The following WNT9B variants were observed in gnomAD, a reference collection of about 807,000 sequenced individuals.
WNT9B encodes Wnt family member 9B.
Under a neutral mutation model 30.2 loss-of-function variants are expected in WNT9B, and 12 were observed. The ratio of observed to expected loss-of-function variants is 0.40; its 90% CI spans 0.26 to 0.64. WNT9B has a LOEUF of 0.64. Among genes scored for constraint, WNT9B ranks in the 30% least tolerant of loss-of-function variants. The pLI, the probability that WNT9B is intolerant of heterozygous loss-of-function variation, is 0.42. For missense variants in WNT9B, 442 were observed against 485.2 expected, an observed-to-expected ratio of 0.91 and a Z score of 0.84; for synonymous variants, 218 against 216.9, an observed-to-expected ratio of 1.01 and a Z score of -0.05.
intron 1 of WNT9B, among the ~76,000 whole-genome samples, chr17:46,869,892 G>A (rs1183850883): frequency 7.2e-5 from 11 of 152,152 alleles, no homozygotes; most frequent in Admixed American, 2.6e-4. Flanking sequence ...CCAGCTACTC[G>A]GGAGGCTGAG....
intron 1 of WNT9B, among the ~76,000 whole-genome samples, chr17:46,854,322 C>T (rs893737238): frequency 5.9e-5 from 9 of 152,218 alleles, no homozygotes; most frequent in African/African-American, 2.2e-4. Flanking sequence ...AGCGCTTCTT[C>T]CTCCGCAGTC....
intron 1 of WNT9B, among the ~76,000 whole-genome samples, chr17:46,864,017 G>A (rs368423166): frequency 6.6e-6 from 1 of 152,186 alleles, no homozygotes; most frequent in Non-Finnish European, 1.5e-5. Context: ...CCTAGAGCCT[G>A]TGCAAACAAT....
downstream of WNT9B, among the ~76,000 whole-genome samples, chr17:46,881,466 A>G (rs1024886776): frequency 4.2e-4 from 64 of 152,350 alleles, 1 homozygote; most frequent in African/African-American, 1.5e-3. Context: ...TTTTACAGAT[A>G]GGGGAATTGA....
intron 1 of WNT9B, among the ~76,000 whole-genome samples, chr17:46,854,816 C>T (rs1339006532): frequency 6.6e-6 from 1 of 152,094 alleles, no homozygotes; most frequent in Non-Finnish European, 1.5e-5. Flanking sequence ...CCCCCCATCA[C>T]ACCCCACTAA....
At chr17:46,847,999 C>T (rs1014447608), upstream of WNT9B, among the ~76,000 whole-genome samples, 6 of 108,728 alleles carry the variant, frequency 5.5e-5, no homozygotes, top group Admixed American at 8.8e-5. Context: ...TGTGTGTGCA[C>T]GTGCATGTGT....
At chr17:46,882,019 A>G (rs543981347), downstream of WNT9B, among the ~76,000 whole-genome samples, 2 of 152,288 alleles carry the variant, frequency 1.3e-5, no homozygotes, top group South Asian at 4.2e-4. Flanking sequence ...CTGGCCAGGC[A>G]CAGGTTCACA....
upstream of WNT9B, among the ~76,000 whole-genome samples, chr17:46,849,479 C>G (rs148649679): frequency 4.5e-3 from 693 of 152,330 alleles, 10 homozygotes; most frequent in African/African-American, 0.016. Flanking sequence ...TGGGGTCTGT[C>G]TGCCACCCCA....
chr17:46,850,894 A>G (rs2084832878), upstream of WNT9B, among the ~76,000 whole-genome samples: 1 of 152,058 alleles, frequency 6.6e-6, no homozygotes, highest in South Asian at 2.1e-4. Context: ...GCGCTGGGGA[A>G]CATCAGCAGC....
In WNT9B at chr17:46,876,365, C is replaced by A; in HGVS notation, c.721C>A (p.Arg241Ser). 1 of 1,614,026 alleles carries A rather than the reference C, an allele frequency of 6.2e-7. No individual in the cohort carries two copies. The highest frequency in any genetic ancestry group is 8.5e-7 in the Non-Finnish European group (1 of 1,180,036). The change falls in exon 4 of 4, where the codon CGC becomes AGC. Residue 241 changes from arginine (R) to serine (S), a missense_variant. By Grantham distance (110) the Arg-to-Ser change is moderately radical (BLOSUM62 -1). Coordinates refer to ENST00000290015, the MANE Select transcript of WNT9B (RefSeq NM_003396.3). ...FRETGQVLKL[R>S]YDSAVKVSSA... ...TGAGACGGGCCAGGTGCTGAAACTG[C>A]GCTATGACTCGGCTGTCAAGGTGTC...
exon 5 of WNT9B, chr17:46,886,704 C>A (rs910376520): frequency 1.3e-5 from 2 of 152,216 alleles, no homozygotes; most frequent in African/African-American, 4.8e-5. Flanking sequence ...ATTCTAGAAT[C>A]ATGAATAAAA....
chr17:46,833,602 C>T (rs1419559505), intron 1 of WNT9B, among the ~76,000 whole-genome samples: 1 of 152,144 alleles, frequency 6.6e-6, no homozygotes, highest in Non-Finnish European at 1.5e-5. Flanking sequence ...AGCCCTGCTT[C>T]CCTGGCTCAT....
At chr17:46,874,990 C>T (rs548850668) in intron 2 of WNT9B, 111 bp from the exon 3 acceptor site, 50 of 1,543,396 alleles carry the variant, frequency 3.2e-5, no homozygotes, top group Admixed American at 2.3e-4. Context: ...CCCATCACAG[C>T]GCTGCCACCA....
At chr17:46,841,997 C>A (rs1436453872) in intron 1 of WNT9B, among the ~76,000 whole-genome samples, 1 of 152,176 alleles carries the variant, frequency 6.6e-6, no homozygotes. Context: ...AGGGGGCGCT[C>A]CTGCAGAAGG....
chr17:46,876,821 TA>T lies in WNT9B; in HGVS notation c.*106del. ...GGCAGACTGTCATCACATGCATGCA[TA>T]AACCGGCATGTGTGCCAATGCACAC... On this transcript the variant is annotated 3_prime_UTR_variant, in exon 4 of 4. Coordinates refer to ENST00000290015, the MANE Select transcript of WNT9B (RefSeq NM_003396.3). 1 of 1,441,184 alleles carries T rather than the reference TA, an allele frequency of 6.9e-7. No homozygotes were observed. Among genetic ancestry groups the T allele is most frequent in the Non-Finnish European group, 9.1e-7 (1 of 1,093,054 alleles). 89.3% of individuals were successfully genotyped at this position (1,441,184 alleles called of 1,614,324 possible).
chr17:46,840,048 C>A (rs1206028027), intron 1 of WNT9B, among the ~76,000 whole-genome samples: 1 of 135,960 alleles, frequency 7.4e-6, no homozygotes, highest in Admixed American at 7.8e-5. Flanking sequence ...TTCTTTCTTT[C>A]TCTCTCTCTC....
chr17:46,839,961 T>TTTCTTTC (rs1568113716), intron 1 of WNT9B, among the ~76,000 whole-genome samples: 1 of 141,450 alleles, frequency 7.1e-6, no homozygotes, highest in Non-Finnish European at 1.6e-5. Flanking sequence ...TCTTTCTTTC[T>TTTCTTTC]TTCTTTCTTT....
At chr17:46,852,725 T>C (rs972920650) in intron 1 of WNT9B, among the ~76,000 whole-genome samples, 2 of 152,054 alleles carry the variant, frequency 1.3e-5, no homozygotes, top group Admixed American at 1.3e-4. Flanking sequence ...TTTAAAATCT[T>C]CACCCCAAAT....
At chr17:46,861,935 A>T (rs1033869697) in intron 1 of WNT9B, among the ~76,000 whole-genome samples, 2 of 152,188 alleles carry the variant, frequency 1.3e-5, no homozygotes, top group South Asian at 4.1e-4. Flanking sequence ...AGGCTGAGGC[A>T]GGTGGATCAC....
chr17:46,859,233 C>A (rs892003851), intron 1 of WNT9B, among the ~76,000 whole-genome samples: 13 of 152,280 alleles, frequency 8.5e-5, no homozygotes, highest in African/African-American at 3.1e-4. Context: ...GCCTCGGCCT[C>A]CCAAAGTGCT....
Sources: allele counts gnomAD v4.1 joint callset (sites outside exome capture counted in the v4.1 genomes callset), GRCh38; gene constraint gnomAD v4.1.1; transcripts MANE v1.5; gene names NCBI Gene and HGNC (gene_info 2026-07-23, HGNC 2026-07-21).